Variants in UNC5D observed in about 807,000 individuals in gnomAD.
UNC5D encodes the protein unc-5 netrin receptor D.
UNC5D carries 39 observed loss-of-function variants against 105.4 expected under a neutral mutation model. That is an observed-to-expected ratio of 0.37 (90% confidence interval 0.29 to 0.48). The LOEUF is 0.48. Ranked by LOEUF, UNC5D falls within the 20% of genes least tolerant of loss-of-function variation. The pLI is 0.98. For synonymous variants in UNC5D, 452 were observed against 450.4 expected (o/e 1.00, Z -0.04); for missense variants, 991 against 1,202.4 (o/e 0.82, Z 2.60).
intron 1 of UNC5D, among the ~76,000 whole-genome samples, chr8:35,486,300 A>G (rs1425596827): frequency 6.6e-6 from 1 of 152,220 alleles, no homozygotes; most frequent in Non-Finnish European, 1.5e-5. Flanking sequence ...CATCCAACAC[A>G]TGCTGTCTAA....
chr8:35,750,139 G>C (rs1203419999), intron 12 of UNC5D, among the ~76,000 whole-genome samples: 1 of 151,972 alleles, frequency 6.6e-6, no homozygotes, highest in African/African-American at 2.4e-5. Flanking sequence ...ACCATTTCTT[G>C]AGTTTTTTTT....
chr8:35,413,877 A>G (rs1017840070), intron 1 of UNC5D, among the ~76,000 whole-genome samples: 6 of 152,110 alleles, frequency 3.9e-5, no homozygotes, highest in Non-Finnish European at 7.4e-5. Context: ...TTTCTGTCCT[A>G]TAGAATATTA....
At chr8:35,737,252 CTGTGTGTGTGTGTGTGTG>C (rs369792188) in intron 11 of UNC5D, among the ~76,000 whole-genome samples, 32 of 119,882 alleles carry the variant, frequency 2.7e-4, no homozygotes, top group East Asian at 1.2e-3. Context: ...AAGATCTGCT[CTGTGTGTGTGTGTGTGTG>C]TGTGTGTGTG....
At chr8:35,669,078 T>C (rs1563649332) in intron 4 of UNC5D, among the ~76,000 whole-genome samples, 1 of 152,154 alleles carries the variant, frequency 6.6e-6, no homozygotes, top group Non-Finnish European at 1.5e-5. Context: ...TCAATCTGTC[T>C]ATAGTTTCTG....
At chr8:35,510,034 A>C (rs1467674157) in intron 1 of UNC5D, among the ~76,000 whole-genome samples, 1 of 152,176 alleles carries the variant, frequency 6.6e-6, no homozygotes, top group Non-Finnish European at 1.5e-5. Flanking sequence ...ACCATCATTC[A>C]AGAACCTCCA....
chr8:35,391,255 A>G (rs1254643767), intron 1 of UNC5D, among the ~76,000 whole-genome samples: 2 of 152,208 alleles, frequency 1.3e-5, no homozygotes, highest in Non-Finnish European at 2.9e-5. Flanking sequence ...TTCCCAAAAA[A>G]GATTCCTGGG....
chr8:35,276,552 T>C (rs1805790333), intron 1 of UNC5D, among the ~76,000 whole-genome samples: 1 of 152,240 alleles, frequency 6.6e-6, no homozygotes, highest in Non-Finnish European at 1.5e-5. Context: ...TAAGCTGATA[T>C]CATTAAAGTT....
At chr8:35,739,258 T>G (rs1242002076) in intron 11 of UNC5D, among the ~76,000 whole-genome samples, 1 of 152,174 alleles carries the variant, frequency 6.6e-6, no homozygotes, top group Non-Finnish European at 1.5e-5. Flanking sequence ...CAGAGTCATT[T>G]AGGTTAGAAT....
At chr8:35,326,064 G>A (rs2128890262) in intron 1 of UNC5D, among the ~76,000 whole-genome samples, 1 of 152,310 alleles carries the variant, frequency 6.6e-6, no homozygotes, top group Non-Finnish European at 1.5e-5. Context: ...AAACTTCAGT[G>A]ATGATTTAGA....
chr8:35,382,479 A>T (rs1384735733), intron 1 of UNC5D, among the ~76,000 whole-genome samples: 1 of 152,126 alleles, frequency 6.6e-6, no homozygotes, highest in African/African-American at 2.4e-5. Flanking sequence ...TTTTTATTTT[A>T]AAAAATTTAG....
At chr8:35,336,751 T>G (rs1158030816) in intron 1 of UNC5D, among the ~76,000 whole-genome samples, 1 of 152,074 alleles carries the variant, frequency 6.6e-6, no homozygotes, top group African/African-American at 2.4e-5. Flanking sequence ...GAGGAGATGA[T>G]TTTTCAAACA....
At chr8:35,687,101 T>C (rs1826055814) in intron 7 of UNC5D, among the ~76,000 whole-genome samples, 2 of 152,150 alleles carry the variant, frequency 1.3e-5, no homozygotes. Flanking sequence ...ATTTAATACA[T>C]CTTTAGAGAC....
intron 1 of UNC5D, among the ~76,000 whole-genome samples, chr8:35,488,702 T>A (rs535002240): frequency 6.6e-5 from 10 of 152,236 alleles, no homozygotes; most frequent in Non-Finnish European, 1.2e-4. Flanking sequence ...TCTGCTTTCC[T>A]GTTTGGCTCT....
chr8:35,285,381 G>A (rs750114805), intron 1 of UNC5D, among the ~76,000 whole-genome samples: 2 of 152,188 alleles, frequency 1.3e-5, no homozygotes, highest in Non-Finnish European at 1.5e-5. Context: ...CCGTTGTCCC[G>A]AATGTTTGGC....
chr8:35,349,974 T>C (rs1369247333), intron 1 of UNC5D, among the ~76,000 whole-genome samples: 1 of 151,996 alleles, frequency 6.6e-6, no homozygotes, highest in Admixed American at 6.6e-5. Context: ...CTACATTGAA[T>C]TGTCCACCAT....
chr8:35,724,256 A>C, intron 9 of UNC5D: 3 of 1,533,098 alleles, frequency 2.0e-6, no homozygotes, highest in Non-Finnish European at 2.6e-6. Context: ...TTTAGCCAAG[A>C]ATATCATGGA....
intron 6 of UNC5D, among the ~76,000 whole-genome samples, chr8:35,685,904 G>A (rs1188781622): frequency 6.6e-6 from 1 of 152,140 alleles, no homozygotes; most frequent in Non-Finnish European, 1.5e-5. Context: ...CTATTCCTAG[G>A]AGGTAAAGGG....
intron 1 of UNC5D, among the ~76,000 whole-genome samples, chr8:35,487,974 C>A (rs1294304205): frequency 6.6e-6 from 1 of 152,040 alleles, no homozygotes; most frequent in Admixed American, 6.5e-5. Flanking sequence ...AAAAGATGTC[C>A]AAGAAAAGTA....
intron 4 of UNC5D, among the ~76,000 whole-genome samples, chr8:35,615,971 T>C (rs1821002471): frequency 1.3e-5 from 2 of 152,346 alleles, no homozygotes; most frequent in South Asian, 4.1e-4. Context: ...CATTTGTTGA[T>C]AGATAAATAT....
Sources: gnomAD v4.1 joint callset for allele counts (sites outside exome capture counted in the v4.1 genomes callset) on GRCh38, gnomAD v4.1.1 for gene constraint, MANE v1.5 for transcripts, NCBI Gene and HGNC (gene_info 2026-07-23, HGNC 2026-07-21) for gene names.